MMS22L: variants seen among roughly 807,000 people sequenced by gnomAD.
The protein encoded by MMS22L is MMS22 like, DNA repair protein.
A neutral mutation model predicts 159.1 loss-of-function variants in MMS22L; 74 were observed. That is an observed-to-expected ratio of 0.47 (90% CI 0.39 to 0.56). The LOEUF (loss-of-function observed/expected upper bound fraction) is 0.56. MMS22L is among the 20% of genes least tolerant of loss of function. The pLI is 0.00. For synonymous variants in MMS22L, 517 were observed against 506.9 expected (o/e 1.02, Z -0.27); for missense variants, 1,351 against 1,422.1 (o/e 0.95, Z 0.80).
At position 97,228,755 on chromosome 6, in the gene MMS22L, T is replaced by C. The variant is rs180955464; in HGVS notation, c.2039+139A>G. ...CAACCTGTACTGATTTATGCCCATG[T>C]AGTAGAAAACTAAATCCTTCCTCTA... On this transcript the variant is annotated intron_variant, in intron 14 of 24. Coordinates refer to ENST00000683635, the MANE Select transcript of MMS22L (RefSeq NM_001350599.2). 1.3e-3 allele frequency: 933 copies of C among 744,742 alleles called. 3 individuals carry two copies. In the African/African-American group the frequency reaches 0.015, roughly 12 times the overall value. 46.1% of individuals were successfully genotyped at this position (744,742 alleles called of 1,614,324 possible).
chr6:97,176,052 A>C (rs1280901562), intron 18 of MMS22L, among the ~76,000 whole-genome samples: 1 of 152,206 alleles, frequency 6.6e-6, no homozygotes, highest in Non-Finnish European at 1.5e-5. Flanking sequence ...CGGAATACTG[A>C]AAGTACATGT....
intron 15 of MMS22L, among the ~76,000 whole-genome samples, chr6:97,184,846 A>G (rs755709517): frequency 1.4e-4 from 21 of 152,146 alleles, no homozygotes; most frequent in Non-Finnish European, 2.9e-4. Flanking sequence ...TCCTCTGCTC[A>G]AAACTTTTCA....
At chr6:97,242,242 T>C (rs1812162729) in intron 11 of MMS22L, among the ~76,000 whole-genome samples, 1 of 152,328 alleles carries the variant, frequency 6.6e-6, no homozygotes, top group East Asian at 1.9e-4. Context: ...TCTCATTTCT[T>C]AGGTCTAGTA....
chr6:97,160,824 G>A (rs1318503864), intron 22 of MMS22L, among the ~76,000 whole-genome samples: 1 of 151,822 alleles, frequency 6.6e-6, no homozygotes. Flanking sequence ...TGTATGATCT[G>A]TATTGATCTA....
Position 97,149,949 on chromosome 6 carries a change from A to C in MMS22L, c.3554T>G (p.Leu1185Trp). ...CAAGTGGATGACAACCTGCTGGTCC[A>C]ATGTTGCTACTGTTTCTAAAATGCT... ...VYSILETVAT[L>W]DQQVVIHLIS... The change falls in exon 24 of 25, where the codon TTG becomes TGG. Residue 1185 changes from leucine (L) to tryptophan (W), a missense_variant. By Grantham distance (61) the Leu-to-Trp change is moderately conservative (BLOSUM62 -2). Transcript: ENST00000683635. The C allele has an allele frequency of 6.2e-7, 1 of 1,613,666 alleles. No individual in the cohort carries two copies. The highest frequency in any genetic ancestry group is 8.5e-7 in the Non-Finnish European group (1 of 1,179,754).
chr6:97,147,009 A>G (rs1800956633), intron 24 of MMS22L, 122 bp from the exon 25 acceptor site: 2 of 629,676 alleles, frequency 3.2e-6, no homozygotes, highest in East Asian at 6.6e-5. Context: ...TCCATCCAGC[A>G]GGCTTAGCAC....
intron 18 of MMS22L, 76 bp downstream of exon 18, chr6:97,178,367 C>G (rs929464247): frequency 1.2e-5 from 14 of 1,128,502 alleles, no homozygotes; most frequent in Middle Eastern, 2.3e-4. Context: ...TATAGAAAAA[C>G]TTTAAGAATA....
intron 22 of MMS22L, among the ~76,000 whole-genome samples, chr6:97,154,883 A>C (rs1388247084): frequency 6.6e-6 from 1 of 152,164 alleles, no homozygotes; most frequent in Non-Finnish European, 1.5e-5. Flanking sequence ...TGAAATCAAG[A>C]AGTATGCGTT....
At chr6:97,260,243 G>A (rs1814312451) in intron 9 of MMS22L, 1 of 152,108 alleles carries the variant, frequency 6.6e-6, no homozygotes, top group South Asian at 2.1e-4. Context: ...TTTGATTATA[G>A]TTTTTAATAT....
At chr6:97,224,019 A>G (rs1358149996) in intron 14 of MMS22L, among the ~76,000 whole-genome samples, 2 of 152,148 alleles carry the variant, frequency 1.3e-5, no homozygotes, top group African/African-American at 4.8e-5. Flanking sequence ...AATTGTTTTC[A>G]ATCATAGTTG....
chr6:97,211,773 A>G (rs1041475676), intron 14 of MMS22L, among the ~76,000 whole-genome samples: 3 of 152,192 alleles, frequency 2.0e-5, no homozygotes, highest in African/African-American at 7.2e-5. Context: ...GTGCTATAAT[A>G]ACAATTCACT....
intron 22 of MMS22L, among the ~76,000 whole-genome samples, chr6:97,154,218 T>C (rs1446515503): frequency 6.6e-6 from 1 of 152,198 alleles, no homozygotes; most frequent in East Asian, 1.9e-4. Context: ...TGGTGACTAA[T>C]GATGTTGAAC....
chr6:97,221,794 A>G (rs1009256051), intron 14 of MMS22L, among the ~76,000 whole-genome samples: 2 of 152,026 alleles, frequency 1.3e-5, no homozygotes, highest in Non-Finnish European at 2.9e-5. Context: ...AAAAATTATT[A>G]GAACACTGCC....
At chr6:97,227,798 A>G (rs1810420454) in intron 14 of MMS22L, among the ~76,000 whole-genome samples, 1 of 152,246 alleles carries the variant, frequency 6.6e-6, no homozygotes, top group Non-Finnish European at 1.5e-5. Flanking sequence ...ACTGAGTGGT[A>G]GTATTTAACT....
At position 97,278,885 on chromosome 6, in the gene MMS22L, T is replaced by C. The variant is rs1816491905; in HGVS notation, c.304A>G (p.Asn102Asp). 1.2e-6 allele frequency: 2 copies of C among 1,613,184 alleles called. No homozygotes were observed. Among genetic ancestry groups the C allele is most frequent in the South Asian group, 1.1e-5 (1 of 90,840 alleles). ...LFHLFRQQLY[N>D]LETLLQSSCD... The stretch of plus-strand genomic sequence containing the variant: ...CTGGACTGTAACAAGGTTTCCAAGT[T>C]GTACAGTTGTTGCCTAATTTTAAAA... Residue 102 changes from asparagine to aspartate, a missense_variant, in exon 4 of 25, where the codon AAC becomes GAC. Transcript: ENST00000683635.
chr6:97,151,644 CAAT>C, intron 23 of MMS22L, 124 bp downstream of exon 23: 2 of 720,032 alleles, frequency 2.8e-6, no homozygotes, highest in East Asian at 2.7e-5. Context: ...GCCAAAAATA[CAAT>C]AATTGAAATA....
chr6:97,220,844 C>T lies in MMS22L; in HGVS notation c.2039+8050G>A, dbSNP rs1043150896. Among the ~76,000 whole-genome samples the T allele has an allele frequency of 5.9e-5, 9 of 151,718 alleles. No homozygotes were observed. In the East Asian group the frequency reaches 1.4e-3, roughly 23 times the overall value. On this transcript the variant is annotated intron_variant, in intron 14 of 24. Transcript: ENST00000683635. ...TACAATTCTTTGTTTTTAAAGAAAA[C>T]GATTCATTACACACTAAAACAACAA...
chr6:97,213,668 A>C (rs1808644830), intron 14 of MMS22L, among the ~76,000 whole-genome samples: 1 of 152,196 alleles, frequency 6.6e-6, no homozygotes, highest in Non-Finnish European at 1.5e-5. Context: ...AAATTTGATA[A>C]TATAAAAATG....
chr6:97,146,986 A>G (rs1327637795), intron 24 of MMS22L, 99 bp from the exon 25 acceptor site: 3 of 766,520 alleles, frequency 3.9e-6, no homozygotes, highest in Non-Finnish European at 6.3e-6. Context: ...CCATCCATCC[A>G]TCTATTCAGC....
Sources: allele counts gnomAD v4.1 joint callset (sites outside exome capture counted in the v4.1 genomes callset), GRCh38; gene constraint gnomAD v4.1.1; transcripts MANE v1.5; gene names NCBI Gene and HGNC (gene_info 2026-07-23, HGNC 2026-07-21).